The following FAM168A variants were observed in gnomAD, a reference collection of about 807,000 sequenced individuals.
FAM168A encodes protein FAM168A.
FAM168A carries 3 observed loss-of-function variants against 28.5 expected under a neutral mutation model. The observed-to-expected ratio is 0.11, with a 90% CI of 0.05 to 0.27. The LOEUF is 0.27. Ranked by LOEUF, FAM168A falls within the 10% of genes least tolerant of loss-of-function variation. The pLI is 1.00. For synonymous variants in FAM168A, 122 were observed against 124.2 expected, an observed-to-expected ratio of 0.98 and a Z score of 0.12; for missense variants, 222 against 311.5, an observed-to-expected ratio of 0.71 and a Z score of 2.16.
At chr11:73,585,185 C>T (rs1406688160) in intron 1 of FAM168A, among the ~76,000 whole-genome samples, 1 of 152,146 alleles carries the variant, frequency 6.6e-6, no homozygotes, top group African/African-American at 2.4e-5. Flanking sequence ...AACATTATTC[C>T]TTCTTCATAT....
At chr11:73,411,954 G>A (rs907403751) in intron 4 of FAM168A, among the ~76,000 whole-genome samples, 1 of 151,850 alleles carries the variant, frequency 6.6e-6, no homozygotes, top group Non-Finnish European at 1.5e-5. Context: ...CAGAATCCAG[G>A]GTATCTTTTT....
chr11:73,529,156 A>G (rs1259325245), intron 1 of FAM168A, among the ~76,000 whole-genome samples: 2 of 152,208 alleles, frequency 1.3e-5, no homozygotes, highest in African/African-American at 4.8e-5. Flanking sequence ...TTGCTTGCCC[A>G]GCCCCCCAAA....
At chr11:73,455,459 T>C (rs1349300280) in intron 2 of FAM168A, among the ~76,000 whole-genome samples, 19 of 152,336 alleles carry the variant, frequency 1.2e-4, no homozygotes, top group Admixed American at 1.2e-3. Flanking sequence ...ATATACACCA[T>C]GCTTCCACAG....
intron 1 of FAM168A, among the ~76,000 whole-genome samples, chr11:73,594,989 G>C (rs74837261): frequency 0.068 from 10,318 of 152,114 alleles, 1,023 homozygotes; most frequent in African/African-American, 0.22. Flanking sequence ...CCAAGATATC[G>C]GGAGGATCAA....
chr11:73,442,955 G>GACATATAT (rs1280345663), intron 2 of FAM168A, among the ~76,000 whole-genome samples: 1 of 40,228 alleles, frequency 2.5e-5, no homozygotes, highest in Admixed American at 4.2e-4. Context: ...ATATACAAAG[G>GACATATAT]ATATATATAT....
At chr11:73,473,137 T>C (rs1236391822) in intron 1 of FAM168A, among the ~76,000 whole-genome samples, 1 of 152,164 alleles carries the variant, frequency 6.6e-6, no homozygotes, top group South Asian at 2.1e-4. Flanking sequence ...GTCAGTCTTA[T>C]AATACTTGCA....
At position 73,403,904 on chromosome 11, in the gene FAM168A, T is replaced by C. The variant is rs541666193; in HGVS notation, c.*2859A>G. ...TGCTCTTGAATTACATAGTAGGTGC[T>C]AAGATAGGGCACAGAGCACAGATGC... On this transcript the variant is annotated 3_prime_UTR_variant, in exon 8 of 8. Transcript: ENST00000356467. 22 of 152,272 alleles carry C rather than the reference T, an allele frequency of 1.4e-4. No homozygotes were observed. Among genetic ancestry groups the C allele is most frequent in the Admixed American group, 1.2e-3 (19 of 15,292 alleles). 9.4% of individuals were successfully genotyped at this position (152,272 alleles called of 1,614,324 possible).
intron 2 of FAM168A, 118 bp downstream of exon 2, chr11:73,468,287 G>T: frequency 1.2e-6 from 1 of 845,660 alleles, no homozygotes; most frequent in Non-Finnish European, 1.9e-6. Context: ...CATATCTTCT[G>T]CATGTTCCCA....
At chr11:73,575,074 G>C (rs958207574) in intron 1 of FAM168A, among the ~76,000 whole-genome samples, 1 of 152,118 alleles carries the variant, frequency 6.6e-6, no homozygotes, top group South Asian at 2.1e-4. Flanking sequence ...GCTCATACAA[G>C]AGTAAGGGTT....
chr11:73,554,037 C>T (rs1315499544), intron 1 of FAM168A, among the ~76,000 whole-genome samples: 1 of 151,334 alleles, frequency 6.6e-6, no homozygotes, highest in African/African-American at 2.4e-5. Flanking sequence ...TATACCTTCA[C>T]TCCAATTACC....
chr11:73,561,150 G>A (rs1472060911), intron 1 of FAM168A, among the ~76,000 whole-genome samples: 2 of 151,854 alleles, frequency 1.3e-5, no homozygotes, highest in East Asian at 1.9e-4. Flanking sequence ...TGAGGCAGGC[G>A]GATCACCTGA....
intron 3 of FAM168A, among the ~76,000 whole-genome samples, chr11:73,426,703 C>CTGTGTGTGTGTGTGTGTG (rs34499254): frequency 0.015 from 2,112 of 144,234 alleles, 26 homozygotes; most frequent in African/African-American, 0.025. Flanking sequence ...CCAAAATATG[C>CTGTGTGTGTGTGTGTGTG]TGTGTGTGTG....
At chr11:73,554,933 C>T (rs567048931) in intron 1 of FAM168A, among the ~76,000 whole-genome samples, 6 of 152,260 alleles carry the variant, frequency 3.9e-5, no homozygotes, top group Non-Finnish European at 7.4e-5. Context: ...TCCTCAAGAT[C>T]ATGGAACCTG....
chr11:73,570,806 A>C (rs530650161), intron 1 of FAM168A, among the ~76,000 whole-genome samples: 1 of 152,272 alleles, frequency 6.6e-6, no homozygotes, highest in African/African-American at 2.4e-5. Flanking sequence ...ACAAAGAATT[A>C]TGCAAATATC....
At chr11:73,424,904 G>T (rs901446322) in intron 3 of FAM168A, 20 of 788,554 alleles carry the variant, frequency 2.5e-5, no homozygotes, top group Non-Finnish European at 3.9e-5. Context: ...TGAGCCACCT[G>T]GGGGGAGCCC....
At position 73,411,547 on chromosome 11, in the gene FAM168A, G is replaced by A. The variant is rs1866611347; in HGVS notation, c.278-11C>T. The A allele has an allele frequency of 1.2e-6, 2 of 1,613,856 alleles. No homozygotes were observed. The highest frequency in any genetic ancestry group is 1.7e-6 in the Non-Finnish European group (2 of 1,179,976). On this transcript the variant is annotated splice_polypyrimidine_tract_variant and intron_variant, in intron 4 of 7. Transcript: ENST00000356467. ...TCCCCGCAGTATATCCTGTACCAAG[G>A]CAATAAGAGAGACTTCCAGTTAGTT... is the stretch of plus-strand genomic sequence containing the variant.
chr11:73,482,842 G>A (rs766792545), intron 1 of FAM168A, among the ~76,000 whole-genome samples: 5 of 152,078 alleles, frequency 3.3e-5, no homozygotes, highest in Admixed American at 2.6e-4. Context: ...GGGTTCAAGC[G>A]ATTCTCCTAC....
chr11:73,571,474 C>T (rs1431113373), intron 1 of FAM168A, among the ~76,000 whole-genome samples: 4 of 151,942 alleles, frequency 2.6e-5, no homozygotes. Context: ...TCTCCAGCTC[C>T]TAACCGCGAG....
At chr11:73,441,585 C>T (rs1365448181) in intron 2 of FAM168A, among the ~76,000 whole-genome samples, 1 of 152,188 alleles carries the variant, frequency 6.6e-6, no homozygotes, top group African/African-American at 2.4e-5. Context: ...AGAGTTTGTG[C>T]AGGATTGGTG....
Sources: gnomAD v4.1 joint callset for allele counts (sites outside exome capture counted in the v4.1 genomes callset) on GRCh38, gnomAD v4.1.1 for gene constraint, MANE v1.5 for transcripts, NCBI Gene and HGNC (gene_info 2026-07-23, HGNC 2026-07-21) for gene names.